The following CFAP100 variants were observed in gnomAD, a reference collection of about 807,000 sequenced individuals.
CFAP100 encodes the protein cilia- and flagella-associated protein 100.
Under a neutral mutation model 81.5 loss-of-function variants are expected in CFAP100, and 70 were observed. The ratio of observed to expected loss-of-function variants is 0.86; its 90% CI spans 0.71 to 1.05. The LOEUF (loss-of-function observed/expected upper bound fraction) is 1.05, where lower values mean the gene tolerates loss of function less well. Among genes scored for constraint, CFAP100 ranks in the 50% least tolerant of loss-of-function variants. The pLI is 0.00. For missense variants in CFAP100, 811 were observed against 776.5 expected, an observed-to-expected ratio of 1.04 and a Z score of -0.53; for synonymous variants, 341 against 314.8, an observed-to-expected ratio of 1.08 and a Z score of -0.88.
chr3:126,397,567 C>A (rs883052), intron 2 of CFAP100, among the ~76,000 whole-genome samples: 19,900 of 152,214 alleles, frequency 0.13, 1,473 homozygotes, highest in Non-Finnish European at 0.15. Context: ...TACCCTATGA[C>A]CCTGTGGCAT....
intron 13 of CFAP100, among the ~76,000 whole-genome samples, chr3:126,432,282 C>CAAAAA (rs58421889): frequency 7.8e-5 from 6 of 76,718 alleles, no homozygotes; most frequent in African/African-American, 3.0e-4. Context: ...GACTCCGTCT[C>CAAAAA]AAAAAAAAAA....
intron 3 of CFAP100, 92 bp downstream of exon 3, chr3:126,407,344 G>T: frequency 1.4e-6 from 1 of 713,278 alleles, no homozygotes; most frequent in Non-Finnish European, 2.4e-6. Flanking sequence ...GGTCTCTAGA[G>T]CTAAGGGCAG....
chr3:126,413,160 T>A (rs1036480579), intron 3 of CFAP100, among the ~76,000 whole-genome samples: 1 of 151,898 alleles, frequency 6.6e-6, no homozygotes, highest in Non-Finnish European at 1.5e-5. Context: ...ATTGGGGAGG[T>A]GAAGCGGGTG....
chr3:126,397,942 G>T (rs910470138), intron 2 of CFAP100, among the ~76,000 whole-genome samples: 1 of 152,238 alleles, frequency 6.6e-6, no homozygotes. Context: ...CGGCTGGCCA[G>T]GCCCAAAGGC....
rs527378775 is a variant in CFAP100, at chr3:126,395,837, C to T, written c.-59-105C>T. 28 of 620,856 alleles carry T rather than the reference C, an allele frequency of 4.5e-5. No homozygotes were observed. In the Admixed American group the frequency reaches 6.4e-4, roughly 14 times the overall value. The allele number at this position is 620,856 out of a possible 1,614,324, so 38.5% of individuals were successfully genotyped here. Reference sequence around the variant, plus strand: ...AGAGGCAGGGAGCCGGCAGGTGTCCCCACAAGGTGAGCCCTCAGCAAATGT... The same window carrying T: ...AGAGGCAGGGAGCCGGCAGGTGTCCTCACAAGGTGAGCCCTCAGCAAATGT... On this transcript the variant is annotated intron_variant, in intron 1 of 16. Transcript: ENST00000352312.
Position 126,405,471 on chromosome 3 carries a change from C to T in CFAP100, c.50-1701C>T, listed in dbSNP as rs552274774. Among the ~76,000 whole-genome samples, 6 of 152,116 alleles carry T rather than the reference C, an allele frequency of 3.9e-5. No homozygotes were observed. The East Asian group carries it at 9.7e-4, about 25-fold the overall frequency. On this transcript the variant is annotated intron_variant, in intron 2 of 16. Coordinates refer to ENST00000352312, the MANE Select transcript of CFAP100 (RefSeq NM_182628.3). Reference sequence around the variant, plus strand: ...TGAGGTCAGGAGTTCAAGACCAGCCCGGCCAACATAGTGAAACCCCATCTC... The same window carrying T: ...TGAGGTCAGGAGTTCAAGACCAGCCTGGCCAACATAGTGAAACCCCATCTC...
At chr3:126,418,163 T>G in intron 5 of CFAP100, 2 of 347,898 alleles carry the variant, frequency 5.7e-6, no homozygotes, top group Non-Finnish European at 5.3e-6. Context: ...CCAGGTGGGG[T>G]GTCCAGAGCC....
Position 126,436,436 on chromosome 3 carries a change from G to C in CFAP100, c.*32G>C, listed in dbSNP as rs772339677. On this transcript the variant is annotated 3_prime_UTR_variant, in exon 17 of 17. Transcript: ENST00000352312. The stretch of plus-strand genomic sequence containing the variant: ...CAGACCATAGCTGTTCTGGCTGAAG[G>C]CTTAGCAAAGATGTTGGCAGAGGAA... The C allele has an allele frequency of 6.4e-7, 1 of 1,554,108 alleles. No individual in the cohort carries two copies. The highest frequency in any genetic ancestry group is 1.1e-5 in the South Asian group (1 of 87,634).
At chr3:126,410,337 C>T (rs73206891) in intron 3 of CFAP100, among the ~76,000 whole-genome samples, 19,457 of 152,192 alleles carry the variant, frequency 0.13, 1,279 homozygotes, top group South Asian at 0.21. Context: ...GTGTCTTCTA[C>T]AACTTTTTGT....
At chr3:126,435,524 C>T in intron 15 of CFAP100, 35 bp from the exon 16 acceptor site, 5 of 1,569,124 alleles carry the variant, frequency 3.2e-6, no homozygotes, top group Non-Finnish European at 4.4e-6. Context: ...CCTTCCAGGT[C>T]CCCCCAGTTT....
intron 2 of CFAP100, 22 bp downstream of exon 2, chr3:126,396,071 G>A: frequency 6.2e-7 from 1 of 1,608,076 alleles, no homozygotes; most frequent in Non-Finnish European, 8.5e-7. Context: ...GCCAGGGTGG[G>A]CACTCTCAGA....
intron 2 of CFAP100, among the ~76,000 whole-genome samples, chr3:126,406,286 T>C (rs1002123216): frequency 6.6e-6 from 1 of 152,080 alleles, no homozygotes; most frequent in African/African-American, 2.4e-5. Context: ...GACCATTTGC[T>C]CAGGGCCCAG....
In CFAP100 at chr3:126,423,384, G is replaced by A. The variant is rs1209506124; in HGVS notation, c.1134+8G>A. On this transcript the variant is annotated splice_region_variant and intron_variant, in intron 12 of 16. Transcript: ENST00000352312. Reference sequence around the variant, plus strand: ...ACCGACAGCGATGGGGAGGTGAATGGCCCAGTGCTGGGCTGGAATTCGGAA... The same window carrying A: ...ACCGACAGCGATGGGGAGGTGAATGACCCAGTGCTGGGCTGGAATTCGGAA... The A allele has an allele frequency of 6.8e-6, 11 of 1,613,250 alleles. No homozygotes were observed. The Admixed American group carries it at 1.7e-4, about 24-fold the overall frequency.
intron 11 of CFAP100, 64 bp from the exon 12 acceptor site, chr3:126,423,261 C>A: frequency 7.2e-7 from 1 of 1,386,124 alleles, no homozygotes; most frequent in Non-Finnish European, 9.9e-7. Context: ...CCTCTGTGCC[C>A]CCTCCCCTGG....
chr3:126,421,069 C>T (rs1449363102), intron 11 of CFAP100, among the ~76,000 whole-genome samples: 4 of 152,194 alleles, frequency 2.6e-5, no homozygotes, highest in Admixed American at 2.6e-4. Flanking sequence ...GTGGTGTGAT[C>T]TCAGCTCACC....
chr3:126,423,335 C>T lies in CFAP100; in HGVS notation c.1093C>T (p.Pro365Ser), dbSNP rs773004517. Residue 365 changes from proline to serine, a missense_variant, in exon 12 of 17, where the codon CCC becomes TCC. Pro to Ser is a moderately conservative substitution (Grantham distance 74). Transcript: ENST00000352312. ...SGGDSRGSNS[P>S]IPPTQEDTDS... The stretch of plus-strand genomic sequence containing the variant: ...GCCATCTCTTCGCAGGTCGAACTCT[C>T]CCATCCCCCCCACGCAGGAGGACAC... 2.5e-6 allele frequency: 4 copies of T among 1,613,376 alleles called. No individual in the cohort carries two copies. In the Admixed American group the frequency reaches 6.7e-5, roughly 27 times the overall value.
chr3:126,428,830 G>T (rs1057244821), intron 13 of CFAP100, among the ~76,000 whole-genome samples: 1 of 152,120 alleles, frequency 6.6e-6, no homozygotes, highest in African/African-American at 2.4e-5. Flanking sequence ...TTGCTGGCTG[G>T]GTGTGGTGGC....
At chr3:126,430,936 G>A (rs549471379) in intron 13 of CFAP100, among the ~76,000 whole-genome samples, 2 of 152,178 alleles carry the variant, frequency 1.3e-5, no homozygotes, top group South Asian at 4.1e-4. Context: ...AATAACTGGA[G>A]GCTTATCAGG....
In CFAP100 at chr3:126,417,730, G is replaced by A. The variant is rs57892895; in HGVS notation, c.419-728G>A. Among the ~76,000 whole-genome samples the A allele has an allele frequency of 5.4e-3, 820 of 152,318 alleles. 8 individuals carry two copies. The highest frequency in any genetic ancestry group is 0.018 in the African/African-American group (764 of 41,572). On this transcript the variant is annotated intron_variant, in intron 5 of 16. Coordinates refer to ENST00000352312, the MANE Select transcript of CFAP100 (RefSeq NM_182628.3). The stretch of plus-strand genomic sequence containing the variant: ...GGGAGGCCCAGCCAGGGCCTCTGCC[G>A]GGATCTGGACTCTGGGAACAGAGCT...
Sources: gnomAD v4.1 joint callset for allele counts (sites outside exome capture counted in the v4.1 genomes callset) on GRCh38, gnomAD v4.1.1 for gene constraint, MANE v1.5 for transcripts, NCBI Gene and HGNC (gene_info 2026-07-23, HGNC 2026-07-21) for gene names.